KCNQ1: variants seen among roughly 807,000 people sequenced by gnomAD.
KCNQ1 encodes the protein potassium voltage-gated channel subfamily KQT member 1.
Under a neutral mutation model 72.4 loss-of-function variants are expected in KCNQ1, and 49 were observed. The observed-to-expected ratio is 0.68, with a 90% CI of 0.54 to 0.86. The LOEUF (loss-of-function observed/expected upper bound fraction) is 0.86. Ranked by LOEUF, KCNQ1 falls within the 40% of genes least tolerant of loss-of-function variation. The pLI, the probability that KCNQ1 is intolerant of heterozygous loss-of-function variation, is 0.00. For missense variants in KCNQ1, 790 were observed against 945.1 expected, an observed-to-expected ratio of 0.84 and a Z score of 2.15; for synonymous variants, 450 against 412.6, an observed-to-expected ratio of 1.09 and a Z score of -1.10.
chr11:2,670,052 A>G lies in KCNQ1; in HGVS notation c.1514+7971A>G. ...TACAGGCGGAAACCTAGCACTCACT[A>G]TTCTGCTCTGGGGAGGGGGTTGGAG... On this transcript the variant is annotated intron_variant, in intron 11 of 15. Transcript: ENST00000155840. This position sits in a 1 kb window ranked among gnomAD's most constrained non-coding sequence, Gnocchi z 4.9. The G allele has an allele frequency of 5.0e-6, 2 of 398,588 alleles. No individual in the cohort carries two copies. The highest frequency in any genetic ancestry group is 1.3e-4 in the South Asian group (1 of 7,848). The allele number at this position is 398,588 out of a possible 1,614,324, so 24.7% of individuals were successfully genotyped here.
At chr11:2,842,615 C>G (rs1848236491) in intron 15 of KCNQ1, among the ~76,000 whole-genome samples, 2 of 152,220 alleles carry the variant, frequency 1.3e-5, no homozygotes, top group African/African-American at 4.8e-5. Flanking sequence ...TTCCTGCCTT[C>G]TTGCACGCAC....
In KCNQ1 at chr11:2,814,760, A is replaced by G. The variant is rs1847580973; in HGVS notation, c.1795-33007A>G. ...TCCCTTAGAAATACATGTGCCTCCA[A>G]GTCCTCGAGGCTGGCATCCCCTCCT... On this transcript the variant is annotated intron_variant, in intron 15 of 15. Transcript: ENST00000155840. Among the ~76,000 whole-genome samples the G allele has an allele frequency of 2.0e-5, 3 of 152,152 alleles. No homozygotes were observed. In the South Asian group the frequency reaches 6.2e-4, roughly 32 times the overall value.
In KCNQ1 at chr11:2,678,675, C is replaced by G. The variant is rs1489875975; in HGVS notation, c.1514+16594C>G. The G allele has an allele frequency of 2.5e-5, 10 of 398,520 alleles. No homozygotes were observed. The highest frequency in any genetic ancestry group is 4.4e-5 in the Non-Finnish European group (10 of 226,078). The allele number at this position is 398,520 out of a possible 1,614,324, so 24.7% of individuals were successfully genotyped here. A position where few individuals can be genotyped will look rare whatever the true frequency, so the allele number is the denominator to read the frequency against. On this transcript the variant is annotated intron_variant, in intron 11 of 15. Transcript: ENST00000155840. This position sits in a 1 kb window ranked among gnomAD's most constrained non-coding sequence, Gnocchi z 4.9. ...ACAAATGCAGTCAACCAGGGGAATT[C>G]ATGGCATGGCCTAAGATCTAAACAC...
At position 2,664,365 on chromosome 11, in the gene KCNQ1, G is replaced by A. The variant is rs1480829975; in HGVS notation, c.1514+2284G>A. The A allele has an allele frequency of 2.5e-6, 1 of 398,742 alleles. No homozygotes were observed. The highest frequency in any genetic ancestry group is 4.4e-6 in the Non-Finnish European group (1 of 226,240). The allele number at this position is 398,742 out of a possible 1,614,324, so 24.7% of individuals were successfully genotyped here. A position where few individuals can be genotyped will look rare whatever the true frequency, so the allele number is the denominator to read the frequency against. On this transcript the variant is annotated intron_variant, in intron 11 of 15. Coordinates refer to ENST00000155840, the MANE Select transcript of KCNQ1 (RefSeq NM_000218.3). This position sits in a 1 kb window ranked among gnomAD's most constrained non-coding sequence, Gnocchi z 5.1. ...GAGCTGGGTTCCTGCATCCTCAGAA[G>A]TCAGGGTACGGTCCCTCCAGAGAGG...
In KCNQ1 at chr11:2,509,804, T is replaced by TGGGAGGTGTGGACA. The variant is rs1452719431; in HGVS notation, c.387-18119_387-18106dup. 2.0e-5 allele frequency among the ~76,000 whole-genome samples: 3 copies of TGGGAGGTGTGGACA among 152,104 alleles called. No individual in the cohort carries two copies. The highest frequency in any genetic ancestry group is 6.5e-5 in the Admixed American group (1 of 15,274). ...CGGCTGCTGGCTGAGCCAAGTGGAC[T>TGGGAGGTGTGGACA]GGGAGGTGTGGACAGGGAACCCTGG... On this transcript the variant is annotated intron_variant, in intron 1 of 15. Transcript: ENST00000155840. This position sits in a 1 kb window ranked among gnomAD's most constrained non-coding sequence, Gnocchi z 6.3.
At chr11:2,476,954 G>A (rs369751102) in intron 1 of KCNQ1, among the ~76,000 whole-genome samples, 3 of 152,220 alleles carry the variant, frequency 2.0e-5, no homozygotes, top group African/African-American at 7.2e-5. Flanking sequence ...CTCCCAAAGT[G>A]CTGGGATCAC....
chr11:2,673,231 A>T lies in KCNQ1; in HGVS notation c.1514+11150A>T, dbSNP rs2133870808. On this transcript the variant is annotated intron_variant, in intron 11 of 15. Transcript: ENST00000155840. The surrounding 1 kb of genome is among the most constrained non-coding windows in gnomAD (Gnocchi z 4.5). ...ACTAGGCAAGCTGAGTCCCCTGTAG[A>T]TTCTGGGGACTGGGTGATGCAGACT... 2.5e-6 allele frequency: 1 copy of T among 398,698 alleles called. No individual in the cohort carries two copies. Among genetic ancestry groups the T allele is most frequent in the Middle Eastern group, 6.3e-4 (1 of 1,592 alleles). 24.7% of individuals were successfully genotyped at this position (398,698 alleles called of 1,614,324 possible). A position where few individuals can be genotyped will look rare whatever the true frequency, so the allele number is the denominator to read the frequency against.
Position 2,654,257 on chromosome 11 carries a change from A to G in KCNQ1, c.1394-7704A>G. On this transcript the variant is annotated intron_variant, in intron 10 of 15. Coordinates refer to ENST00000155840, the MANE Select transcript of KCNQ1 (RefSeq NM_000218.3). This position sits in a 1 kb window ranked among gnomAD's most constrained non-coding sequence, Gnocchi z 6.4. ...CCCCTGGGGAGGGCTTCTCCTTCAC[A>G]GTGCAGGATCCGCAGGGCTTTGGTG... 2.5e-6 allele frequency: 1 copy of G among 398,548 alleles called. No individual in the cohort carries two copies. The allele number at this position is 398,548 out of a possible 1,614,324, so 24.7% of individuals were successfully genotyped here. A position where few individuals can be genotyped will look rare whatever the true frequency, so the allele number is the denominator to read the frequency against.
intron 2 of KCNQ1, among the ~76,000 whole-genome samples, chr11:2,556,073 T>C (rs960183414): frequency 1.3e-5 from 2 of 152,196 alleles, no homozygotes; most frequent in Admixed American, 6.5e-5. Flanking sequence ...GTTCTGAGGC[T>C]GTGAGGGAGT....
In KCNQ1 at chr11:2,624,613, T is replaced by A. The variant is rs972820725; in HGVS notation, c.1393+35759T>A. 2.5e-6 allele frequency: 1 copy of A among 398,434 alleles called. No individual in the cohort carries two copies. Among genetic ancestry groups the A allele is most frequent in the African/African-American group, 2.1e-5 (1 of 48,624 alleles). 24.7% of individuals were successfully genotyped at this position (398,434 alleles called of 1,614,324 possible). A position where few individuals can be genotyped will look rare whatever the true frequency, so the allele number is the denominator to read the frequency against. The stretch of plus-strand genomic sequence containing the variant: ...ATAAAAATTACCATCCTAACCAATT[T>A]TAGTGTACAATTCAGTGAATGTATT... On this transcript the variant is annotated intron_variant, in intron 10 of 15. Coordinates refer to ENST00000155840, the MANE Select transcript of KCNQ1 (RefSeq NM_000218.3). The surrounding 1 kb of genome is among the most constrained non-coding windows in gnomAD (Gnocchi z 4.9).
At position 2,735,270 on chromosome 11, in the gene KCNQ1, C is replaced by T. The variant is rs1426687939; in HGVS notation, c.1515-33574C>T. ...CCTGAGGCCCTGGGGGACAGCCTGG[C>T]CCCTGGATGGCCAGAGATGCCTGGG... On this transcript the variant is annotated intron_variant, in intron 11 of 15. Transcript: ENST00000155840. The surrounding 1 kb of genome is among the most constrained non-coding windows in gnomAD (Gnocchi z 7.7). Among the ~76,000 whole-genome samples, 2 of 152,092 alleles carry T rather than the reference C, an allele frequency of 1.3e-5. No individual in the cohort carries two copies. Among genetic ancestry groups the T allele is most frequent in the African/African-American group, 4.8e-5 (2 of 41,416 alleles).
Position 2,541,801 on chromosome 11 carries a change from T to A in KCNQ1, c.477+13783T>A, listed in dbSNP as rs529075591. The stretch of plus-strand genomic sequence containing the variant: ...CTCATCCCGGGAGTTTGTAAGAATT[T>A]GTAGTTTCTCCCCAGAGTTCATGGA... On this transcript the variant is annotated intron_variant, in intron 2 of 15. Transcript: ENST00000155840. The surrounding 1 kb of genome is among the most constrained non-coding windows in gnomAD (Gnocchi z 4.8). 6.6e-6 allele frequency among the ~76,000 whole-genome samples: 1 copy of A among 152,074 alleles called. No individual in the cohort carries two copies. The highest frequency in any genetic ancestry group is 1.5e-5 in the Non-Finnish European group (1 of 68,008).
At chr11:2,757,590 A>G (rs971903635) in intron 11 of KCNQ1, among the ~76,000 whole-genome samples, 3 of 152,230 alleles carry the variant, frequency 2.0e-5, no homozygotes, top group Admixed American at 2.0e-4. Context: ...ATCTATATGG[A>G]AAGGCACATG....
chr11:2,688,339 G>A (rs1850527916), intron 11 of KCNQ1: 1 of 398,646 alleles, frequency 2.5e-6, no homozygotes, highest in Non-Finnish European at 4.4e-6. Flanking sequence ...CTTCCATGGG[G>A]GTCTTCCTCT....
rs1850187435 is a variant in KCNQ1, at chr11:2,671,758, C to A, written c.1514+9677C>A. 5.0e-6 allele frequency: 2 copies of A among 398,698 alleles called. No individual in the cohort carries two copies. Among genetic ancestry groups the A allele is most frequent in the Non-Finnish European group, 8.8e-6 (2 of 226,110 alleles). 24.7% of individuals were successfully genotyped at this position (398,698 alleles called of 1,614,324 possible). On this transcript the variant is annotated intron_variant, in intron 11 of 15. Transcript: ENST00000155840. The surrounding 1 kb of genome is among the most constrained non-coding windows in gnomAD (Gnocchi z 4.7). ...GAGAACAAGGAGCTACATACACATA[C>A]ATGCATGCACATAATCATTCTGACC...
chr11:2,539,538 G>T (rs922345455), intron 2 of KCNQ1, among the ~76,000 whole-genome samples: 5 of 152,298 alleles, frequency 3.3e-5, no homozygotes, highest in Admixed American at 6.5e-5. Context: ...GAGCCAAGCC[G>T]ATGGCTGTGC....
chr11:2,604,602 T>C (rs972465591), intron 10 of KCNQ1, among the ~76,000 whole-genome samples: 1 of 150,472 alleles, frequency 6.6e-6, no homozygotes, highest in Non-Finnish European at 1.5e-5. Flanking sequence ...TGGAGTGCAG[T>C]GGCGCGATCT....
rs1433714078 is a variant in KCNQ1, at chr11:2,787,002, G to A, written c.1794+8965G>A. Among the ~76,000 whole-genome samples the A allele has an allele frequency of 6.7e-6, 1 of 149,048 alleles. No homozygotes were observed. Among genetic ancestry groups the A allele is most frequent in the African/African-American group, 2.5e-5 (1 of 40,320 alleles). On this transcript the variant is annotated intron_variant, in intron 15 of 15. Coordinates refer to ENST00000155840, the MANE Select transcript of KCNQ1 (RefSeq NM_000218.3). This position sits in a 1 kb window ranked among gnomAD's most constrained non-coding sequence, Gnocchi z 6.3. ...TATATATCTTAAAATTTATCTGTGG[G>A]AATTTTTGAAGTCTGGTGTGAAGTT... is the stretch of plus-strand genomic sequence containing the variant.
rs1848467526 is a variant in KCNQ1 at position 2,579,442 on chromosome 11, C to G, written c.922-3993C>G. ...CTGGTGCCCTGGCAAGGAGCCACGG[C>G]CCAGGAGACAGACATGTGGATCTGC... On this transcript the variant is annotated intron_variant, in intron 6 of 15. Transcript: ENST00000155840. The surrounding 1 kb of genome is among the most constrained non-coding windows in gnomAD (Gnocchi z 6.0). 6.6e-6 allele frequency among the ~76,000 whole-genome samples: 1 copy of G among 152,208 alleles called. No individual in the cohort carries two copies. The highest frequency in any genetic ancestry group is 1.5e-5 in the Non-Finnish European group (1 of 68,032).
Sources: gnomAD v4.1 joint callset for allele counts (sites outside exome capture counted in the v4.1 genomes callset) on GRCh38, gnomAD v4.1.1 for gene constraint, Gnocchi (gnomAD v3.1) non-coding constraint, MANE v1.5 for transcripts, NCBI Gene and HGNC (gene_info 2026-07-23, HGNC 2026-07-21) for gene names.